MACROD2: variants seen among roughly 807,000 people sequenced by gnomAD.
The protein encoded by MACROD2 is mono-ADP ribosylhydrolase 2, also known as ADP-ribose glycohydrolase MACROD2.
MACROD2 carries 36 observed loss-of-function variants against 70.4 expected under a neutral mutation model. The observed-to-expected ratio is 0.51, with a 90% CI of 0.39 to 0.68. The LOEUF is 0.68. MACROD2 is among the 30% of genes least tolerant of loss of function. The pLI, the probability that MACROD2 is intolerant of heterozygous loss-of-function variation, is 0.00. For missense variants in MACROD2, 496 were observed against 538.4 expected, an observed-to-expected ratio of 0.92 and a Z score of 0.78; for synonymous variants, 172 against 178.8, an observed-to-expected ratio of 0.96 and a Z score of 0.30.
chr20:14,354,893 T>C (rs204621), intron 3 of MACROD2, among the ~76,000 whole-genome samples: 2,016 of 152,304 alleles, frequency 0.013, 46 homozygotes, highest in African/African-American at 0.046. Flanking sequence ...AGTATTTGGT[T>C]TTCTGTTCCT....
chr20:15,215,741 G>C (rs1231573348), intron 5 of MACROD2, among the ~76,000 whole-genome samples: 2 of 151,936 alleles, frequency 1.3e-5, no homozygotes, highest in African/African-American at 4.8e-5. Flanking sequence ...GACAAAAGTA[G>C]AAGTTATAAA....
intron 8 of MACROD2, among the ~76,000 whole-genome samples, chr20:15,754,123 A>T (rs2051311872): frequency 6.6e-6 from 1 of 152,234 alleles, no homozygotes. Flanking sequence ...CATCTATCTT[A>T]GTGCTACAGG....
chr20:15,181,711 G>T (rs958607669), intron 5 of MACROD2, among the ~76,000 whole-genome samples: 1 of 152,054 alleles, frequency 6.6e-6, no homozygotes, highest in African/African-American at 2.4e-5. Flanking sequence ...AATGCATTTT[G>T]ATGTGAATTT....
At chr20:14,374,260 A>T (rs2083352306) in intron 3 of MACROD2, among the ~76,000 whole-genome samples, 2 of 152,168 alleles carry the variant, frequency 1.3e-5, no homozygotes, top group South Asian at 4.1e-4. Context: ...GTTTCTTAAT[A>T]CACAAAAAGC....
At chr20:14,678,688 GT>G (rs1365421924) in intron 4 of MACROD2, among the ~76,000 whole-genome samples, 1 of 152,096 alleles carries the variant, frequency 6.6e-6, no homozygotes, top group Admixed American at 6.6e-5. Context: ...GTGCTACTGT[GT>G]TGTATTCCAC....
intron 11 of MACROD2, among the ~76,000 whole-genome samples, chr20:15,935,238 C>G (rs1228550842): frequency 2.6e-5 from 4 of 152,132 alleles, no homozygotes; most frequent in Admixed American, 2.6e-4. Context: ...AATCTGATAG[C>G]GTTATCACCA....
At chr20:14,312,019 T>G (rs1370246664) in intron 3 of MACROD2, among the ~76,000 whole-genome samples, 1 of 152,206 alleles carries the variant, frequency 6.6e-6, no homozygotes, top group East Asian at 1.9e-4. Context: ...GAGTAACAAG[T>G]CATTTTCAAA....
intron 5 of MACROD2, among the ~76,000 whole-genome samples, chr20:15,179,065 A>G (rs1333204677): frequency 1.3e-5 from 2 of 152,204 alleles, no homozygotes; most frequent in East Asian, 3.9e-4. Context: ...AGGCTCCTAT[A>G]TAACCTAGAT....
intron 5 of MACROD2, among the ~76,000 whole-genome samples, chr20:15,029,867 A>G (rs1452576950): frequency 2.0e-5 from 3 of 152,084 alleles, no homozygotes; most frequent in Non-Finnish European, 4.4e-5. Context: ...TGAGGTGAGC[A>G]GATTACGAGG....
intron 10 of MACROD2, among the ~76,000 whole-genome samples, chr20:15,898,918 ATATAG>A (rs1779366637): frequency 2.0e-5 from 3 of 151,998 alleles, no homozygotes; most frequent in African/African-American, 7.2e-5. Flanking sequence ...GCACACACAC[ATATAG>A]TATGTATATG....
chr20:14,860,983 A>G (rs1418028098), intron 5 of MACROD2, among the ~76,000 whole-genome samples: 1 of 152,058 alleles, frequency 6.6e-6, no homozygotes, highest in Non-Finnish European at 1.5e-5. Context: ...TGCTTTGTTT[A>G]TTTATGTGTT....
At chr20:15,835,439 T>C (rs2064103417) in intron 8 of MACROD2, among the ~76,000 whole-genome samples, 1 of 152,124 alleles carries the variant, frequency 6.6e-6, no homozygotes, top group African/African-American at 2.4e-5. Flanking sequence ...TAGTAACAGC[T>C]ATTGGCATTA....
intron 3 of MACROD2, among the ~76,000 whole-genome samples, chr20:14,425,803 CCTGT>C (rs1412686246): frequency 6.6e-6 from 1 of 152,268 alleles, no homozygotes; most frequent in Admixed American, 6.5e-5. Context: ...GTCTCATCTT[CCTGT>C]CTTAGTTTAT....
intron 3 of MACROD2, among the ~76,000 whole-genome samples, chr20:14,280,755 C>T (rs970436512): frequency 5.9e-5 from 9 of 152,194 alleles, no homozygotes; most frequent in Non-Finnish European, 1.2e-4. Flanking sequence ...CATATACTAT[C>T]ATGACACCGA....
chr20:15,413,882 G>A (rs944152193), intron 6 of MACROD2, among the ~76,000 whole-genome samples: 6 of 152,110 alleles, frequency 3.9e-5, no homozygotes, highest in African/African-American at 1.4e-4. Context: ...TTTTGTCTTA[G>A]CTCACACAGA....
At chr20:15,025,608 A>G (rs1372569092) in intron 5 of MACROD2, among the ~76,000 whole-genome samples, 1 of 152,048 alleles carries the variant, frequency 6.6e-6, no homozygotes, top group Non-Finnish European at 1.5e-5. Flanking sequence ...TAATAACCCA[A>G]ATGGGCTGAA....
At chr20:15,298,914 C>G (rs1455796609) in intron 6 of MACROD2, among the ~76,000 whole-genome samples, 1 of 152,084 alleles carries the variant, frequency 6.6e-6, no homozygotes. Flanking sequence ...GAAGACTAGG[C>G]AATTTCCCCC....
intron 2 of MACROD2, among the ~76,000 whole-genome samples, chr20:14,005,590 TC>T (rs555831431): frequency 1.2e-4 from 19 of 152,062 alleles, no homozygotes; most frequent in Non-Finnish European, 2.8e-4. Context: ...AAGGGACAAT[TC>T]TTTCTCCAAA....
intron 4 of MACROD2, among the ~76,000 whole-genome samples, chr20:14,563,359 A>C (rs1979563689): frequency 2.0e-5 from 3 of 152,086 alleles, no homozygotes; most frequent in South Asian, 2.1e-4. Context: ...TTTTAGATCT[A>C]GAAAAATGTC....
Sources: gnomAD v4.1 joint callset for allele counts (sites outside exome capture counted in the v4.1 genomes callset) on GRCh38, gnomAD v4.1.1 for gene constraint, MANE v1.5 for transcripts, NCBI Gene and HGNC (gene_info 2026-07-23, HGNC 2026-07-21) for gene names.